The following SEMA5B variants were observed in gnomAD, a reference collection of about 807,000 sequenced individuals.
The protein encoded by SEMA5B is semaphorin-5B.
In SEMA5B, 66 loss-of-function variants were observed where a neutral mutation model predicts 135.0. The observed-to-expected ratio is 0.49, with a 90% CI of 0.40 to 0.60. The LOEUF (loss-of-function observed/expected upper bound fraction) is 0.60. Among genes scored for constraint, SEMA5B ranks in the 20% least tolerant of loss-of-function variants. The pLI is 0.00. For synonymous variants in SEMA5B, 690 were observed against 639.5 expected (o/e 1.08, Z -1.19); for missense variants, 1,501 against 1,566.3 (o/e 0.96, Z 0.70).
chr3:122,955,300 C>G (rs1480816828), intron 2 of SEMA5B, among the ~76,000 whole-genome samples: 3 of 152,196 alleles, frequency 2.0e-5, no homozygotes, highest in African/African-American at 7.2e-5. Context: ...TAATAACACC[C>G]AGCTCACAGC....
intron 1 of SEMA5B, among the ~76,000 whole-genome samples, chr3:122,963,038 C>T (rs922902051): frequency 6.6e-6 from 1 of 152,128 alleles, no homozygotes; most frequent in African/African-American, 2.4e-5. Flanking sequence ...GGCAAAGAGT[C>T]GTATGTGTGT....
intron 1 of SEMA5B, among the ~76,000 whole-genome samples, chr3:122,994,079 C>T (rs1941959735): frequency 6.6e-6 from 1 of 152,038 alleles, no homozygotes; most frequent in Non-Finnish European, 1.5e-5. Flanking sequence ...ACAGCAAGCC[C>T]TTCTGGAGTG....
At position 122,971,351 on chromosome 3, in the gene SEMA5B, G is replaced by A. The variant is rs150681483; in HGVS notation, c.-38-10050C>T. ...GACTGAATGGTGGAACAAAGTGCAA[G>A]GAATCTTTGCTCTTAACCAAAGGGA... is the stretch of plus-strand genomic sequence containing the variant. On this transcript the variant is annotated intron_variant, in intron 1 of 22. Transcript: ENST00000357599. Among the ~76,000 whole-genome samples the A allele has an allele frequency of 3.9e-3, 597 of 152,376 alleles. 3 individuals carry two copies. Among genetic ancestry groups the A allele is most frequent in the African/African-American group, 0.014 (577 of 41,592 alleles).
chr3:122,954,656 G>C (rs559222626), intron 2 of SEMA5B, among the ~76,000 whole-genome samples: 22 of 152,330 alleles, frequency 1.4e-4, no homozygotes, highest in Admixed American at 3.9e-4. Flanking sequence ...TTGGCAGATA[G>C]GAGGAATGGT....
chr3:123,025,861 T>C (rs1942785462), intron 1 of SEMA5B, among the ~76,000 whole-genome samples: 1 of 152,208 alleles, frequency 6.6e-6, no homozygotes, highest in South Asian at 2.1e-4. Flanking sequence ...TCGGGAAAGG[T>C]ACTGGCTGTT....
upstream of SEMA5B, among the ~76,000 whole-genome samples, chr3:123,028,085 T>G (rs1942849526): frequency 6.6e-6 from 1 of 152,094 alleles, no homozygotes; most frequent in African/African-American, 2.4e-5. Flanking sequence ...CATCCCGCCT[T>G]GCCGTTCTCG....
intron 4 of SEMA5B, among the ~76,000 whole-genome samples, chr3:122,941,314 C>G (rs1355397651): frequency 6.6e-6 from 1 of 152,176 alleles, no homozygotes; most frequent in East Asian, 1.9e-4. Flanking sequence ...CTCAAGGATG[C>G]AGGAAAAAGT....
At chr3:123,028,282 G>C (rs1942856539), upstream of SEMA5B, among the ~76,000 whole-genome samples, 1 of 152,222 alleles carries the variant, frequency 6.6e-6, no homozygotes, top group Admixed American at 6.5e-5. Flanking sequence ...AAACGGGGGA[G>C]AGCCGTTATA....
At chr3:123,018,767 C>G (rs1250816289) in intron 1 of SEMA5B, among the ~76,000 whole-genome samples, 1 of 152,144 alleles carries the variant, frequency 6.6e-6, no homozygotes, top group South Asian at 2.1e-4. Flanking sequence ...ACTGCCTATC[C>G]CCTGTCATGA....
chr3:122,918,566 T>G (rs1052267836), intron 12 of SEMA5B, among the ~76,000 whole-genome samples: 1 of 152,198 alleles, frequency 6.6e-6, no homozygotes, highest in Non-Finnish European at 1.5e-5. Flanking sequence ...CATGGCAGAA[T>G]AGCAAAGAAG....
At position 123,008,388 on chromosome 3, in the gene SEMA5B, C is replaced by T. The variant is rs150744967; in HGVS notation, c.-39+19076G>A. Among the ~76,000 whole-genome samples, 534 of 152,294 alleles carry T rather than the reference C, an allele frequency of 3.5e-3. 5 individuals carry two copies. The highest frequency in any genetic ancestry group is 0.012 in the African/African-American group (508 of 41,546). Reference sequence around the variant, plus strand: ...CATTCTAAGGCAGTGGAAGAGTATTCGGCACCTGTAGATGCACAGTGGGTA... The same window carrying T: ...CATTCTAAGGCAGTGGAAGAGTATTTGGCACCTGTAGATGCACAGTGGGTA... On this transcript the variant is annotated intron_variant, in intron 1 of 22. Coordinates refer to ENST00000357599, the MANE Select transcript of SEMA5B (RefSeq NM_001031702.4).
chr3:122,969,534 G>A (rs1466757241), intron 1 of SEMA5B, among the ~76,000 whole-genome samples: 1 of 152,066 alleles, frequency 6.6e-6, no homozygotes, highest in African/African-American at 2.4e-5. Flanking sequence ...CTACTGCCAG[G>A]GCCTCTGATC....
In SEMA5B at chr3:122,922,406, C is replaced by G. The variant is rs559027596; in HGVS notation, c.1314G>C (p.Thr438=). 1.9e-6 allele frequency: 3 copies of G among 1,610,746 alleles called. No homozygotes were observed. The highest frequency in any genetic ancestry group is 1.1e-5 in the South Asian group (1 of 90,400). The change falls in exon 11 of 23, where the codon ACG becomes ACC. Residue 438 remains threonine, a synonymous_variant. Transcript: ENST00000357599. ...LPETGPNENL[T]ERSLQDAQRL... ...GCTGCGCGTCCTGCAGGCTGCGCTCCGTCAGGTTCTCGTTGGGACCGGTCT... is the reference window on the plus strand; with the variant it reads ...GCTGCGCGTCCTGCAGGCTGCGCTCGGTCAGGTTCTCGTTGGGACCGGTCT...
chr3:122,991,231 G>A (rs58278450), intron 1 of SEMA5B, among the ~76,000 whole-genome samples: 8,954 of 152,212 alleles, frequency 0.059, 583 homozygotes, highest in African/African-American at 0.16. Context: ...GGGTGAGAAC[G>A]TGAGCAAGAT....
chr3:123,021,767 AAC>A (rs1242026978), intron 1 of SEMA5B, among the ~76,000 whole-genome samples: 3 of 152,234 alleles, frequency 2.0e-5, no homozygotes, highest in Admixed American at 2.0e-4. Context: ...GTCAGCCGGT[AAC>A]ACACAGATTT....
intron 1 of SEMA5B, among the ~76,000 whole-genome samples, chr3:123,021,964 G>T (rs148544493): frequency 6.6e-6 from 1 of 152,048 alleles, no homozygotes; most frequent in Admixed American, 6.5e-5. Context: ...CAACAGGGGG[G>T]TTGGATGGTA....
intron 4 of SEMA5B, among the ~76,000 whole-genome samples, chr3:122,942,494 G>A (rs888909005): frequency 1.3e-5 from 2 of 152,188 alleles, no homozygotes; most frequent in East Asian, 1.9e-4. Context: ...AGTCCCAGGC[G>A]ATAACACAGA....
intron 12 of SEMA5B, among the ~76,000 whole-genome samples, chr3:122,916,873 G>A (rs1352716000): frequency 1.3e-5 from 2 of 152,160 alleles, no homozygotes. Flanking sequence ...CTGAGGGCTG[G>A]TCTCTCTACA....
intron 5 of SEMA5B, among the ~76,000 whole-genome samples, chr3:122,933,400 T>C (rs1039726341): frequency 1.3e-5 from 2 of 152,316 alleles, no homozygotes; most frequent in Admixed American, 6.5e-5. Flanking sequence ...TATTCCTCCA[T>C]TGTCTTCTAG....
Sources: allele counts gnomAD v4.1 joint callset (sites outside exome capture counted in the v4.1 genomes callset), GRCh38; gene constraint gnomAD v4.1.1; transcripts MANE v1.5; gene names NCBI Gene and HGNC (gene_info 2026-07-23, HGNC 2026-07-21).